GRIN2B: variants seen among roughly 807,000 people sequenced by gnomAD.
The protein encoded by GRIN2B is glutamate ionotropic receptor NMDA type subunit 2B.
Under a neutral mutation model 114.5 loss-of-function variants are expected in GRIN2B, and 5 were observed. That is an observed-to-expected ratio of 0.04 (90% CI 0.02 to 0.09). The LOEUF is 0.09. GRIN2B is among the 10% of genes least tolerant of loss of function. The pLI is 1.00. For synonymous variants in GRIN2B, 787 were observed against 745.1 expected (o/e 1.06, Z -0.92); for missense variants, 1,108 against 1,943.5 (o/e 0.57, Z 8.08).
intron 2 of GRIN2B, among the ~76,000 whole-genome samples, chr12:13,909,910 G>A (rs1160328212): frequency 6.6e-6 from 1 of 152,086 alleles, no homozygotes; most frequent in Non-Finnish European, 1.5e-5. Context: ...GGTCATCAGA[G>A]ATTATGGAAC....
intron 3 of GRIN2B, among the ~76,000 whole-genome samples, chr12:13,758,998 A>AGTTTTTTT (rs771891565): frequency 4.7e-5 from 4 of 85,624 alleles, no homozygotes; most frequent in Non-Finnish European, 6.5e-5. Context: ...ATCTAGTTCA[A>AGTTTTTTT]TTTTTTTTTT....
At chr12:13,760,583 T>C (rs184785032) in intron 3 of GRIN2B, among the ~76,000 whole-genome samples, 1 of 152,332 alleles carries the variant, frequency 6.6e-6, no homozygotes, top group East Asian at 1.9e-4. Context: ...TCTTTTCTTC[T>C]AAATTCAGTT....
At chr12:13,636,960 A>G (rs1337171909) in intron 5 of GRIN2B, among the ~76,000 whole-genome samples, 5 of 152,162 alleles carry the variant, frequency 3.3e-5, no homozygotes, top group Admixed American at 2.0e-4. Context: ...ATTGCCTAAA[A>G]TGAGGAACAT....
intron 5 of GRIN2B, among the ~76,000 whole-genome samples, chr12:13,622,955 C>T (rs1315382049): frequency 6.6e-6 from 1 of 152,170 alleles, no homozygotes; most frequent in Admixed American, 6.5e-5. Flanking sequence ...ACAGCACTAC[C>T]TCTCCCCCTC....
chr12:13,926,713 G>A (rs111732213), intron 2 of GRIN2B, among the ~76,000 whole-genome samples: 2,598 of 152,306 alleles, frequency 0.017, 31 homozygotes, highest in Non-Finnish European at 0.026. Context: ...CAGCACTTCG[G>A]GAGGCCGAGA....
At chr12:13,814,659 G>A (rs963065512) in intron 3 of GRIN2B, among the ~76,000 whole-genome samples, 1 of 152,154 alleles carries the variant, frequency 6.6e-6, no homozygotes, top group Non-Finnish European at 1.5e-5. Context: ...CTGTCCAACA[G>A]AACTTCCAGT....
intron 2 of GRIN2B, among the ~76,000 whole-genome samples, chr12:13,957,579 T>C (rs979620005): frequency 1.3e-5 from 2 of 151,930 alleles, no homozygotes; most frequent in Admixed American, 1.3e-4. Context: ...CCATGACCTG[T>C]CTCCTGTGGG....
chr12:13,629,932 G>A (rs1039015630), intron 5 of GRIN2B, among the ~76,000 whole-genome samples: 1 of 152,124 alleles, frequency 6.6e-6, no homozygotes, highest in African/African-American at 2.4e-5. Context: ...TGGACTAAGG[G>A]GTTAGGTATC....
chr12:13,701,687 T>G (rs755258055), intron 4 of GRIN2B, among the ~76,000 whole-genome samples: 2 of 152,164 alleles, frequency 1.3e-5, no homozygotes, highest in Non-Finnish European at 2.9e-5. Flanking sequence ...GTTTTGATGA[T>G]GAAGACTGGA....
At chr12:13,607,185 TATATAAAAAATATATATA>T in intron 10 of GRIN2B, among the ~76,000 whole-genome samples, 1 of 114,172 alleles carries the variant, frequency 8.8e-6, no homozygotes, top group Non-Finnish European at 1.7e-5. Flanking sequence ...ATATAATAAA[TATATAAAAAATATATATA>T]ATATATAAAA....
rs1464235776 is a variant in GRIN2B at position 13,559,090 on chromosome 12, T to C, written c.*3693A>G. ...GGTGTTGTTTCATACCCATCTGTGA[T>C]ATAGATTGGGCTTATAGCTGAATTC... On this transcript the variant is annotated 3_prime_UTR_variant, in exon 14 of 14. Coordinates refer to ENST00000609686, the MANE Select transcript of GRIN2B (RefSeq NM_000834.5). The C allele has an allele frequency of 6.6e-6, 1 of 152,234 alleles. No individual in the cohort carries two copies. The highest frequency in any genetic ancestry group is 1.9e-4 in the East Asian group (1 of 5,192). 9.4% of individuals were successfully genotyped at this position (152,234 alleles called of 1,614,324 possible). A position where few individuals can be genotyped will look rare whatever the true frequency, so the allele number is the denominator to read the frequency against.
intron 2 of GRIN2B, among the ~76,000 whole-genome samples, chr12:13,946,811 A>G (rs1378747842): frequency 1.3e-5 from 2 of 152,218 alleles, no homozygotes; most frequent in African/African-American, 2.4e-5. Context: ...ATAAAAATGT[A>G]TTATTAGGAC....
chr12:13,808,184 C>A (rs1235501190), intron 3 of GRIN2B, among the ~76,000 whole-genome samples: 1 of 151,994 alleles, frequency 6.6e-6, no homozygotes. Context: ...CAGTGTGCAT[C>A]AGCATTTTTA....
At chr12:13,643,433 G>A (rs1030729688) in intron 5 of GRIN2B, among the ~76,000 whole-genome samples, 3 of 152,138 alleles carry the variant, frequency 2.0e-5, no homozygotes, top group East Asian at 1.9e-4. Context: ...AAAATGCTAA[G>A]GATCATCTGA....
chr12:13,900,406 C>T (rs1024587387), intron 2 of GRIN2B, among the ~76,000 whole-genome samples: 5 of 151,494 alleles, frequency 3.3e-5, no homozygotes, highest in Admixed American at 1.3e-4. Flanking sequence ...ACCCAGGAAG[C>T]GGAGGTTGCA....
At chr12:13,936,874 A>G (rs948417308) in intron 2 of GRIN2B, among the ~76,000 whole-genome samples, 1 of 152,104 alleles carries the variant, frequency 6.6e-6, no homozygotes, top group South Asian at 2.1e-4. Flanking sequence ...TAAAAGTTCT[A>G]TAACTAGAAA....
At chr12:13,920,892 C>T (rs1866811310) in intron 2 of GRIN2B, among the ~76,000 whole-genome samples, 1 of 152,156 alleles carries the variant, frequency 6.6e-6, no homozygotes, top group Non-Finnish European at 1.5e-5. Flanking sequence ...CCCAAGGTGG[C>T]TTCTGTGAAT....
chr12:13,612,109 T>C (rs1476146315), intron 8 of GRIN2B, among the ~76,000 whole-genome samples: 1 of 152,238 alleles, frequency 6.6e-6, no homozygotes, highest in Non-Finnish European at 1.5e-5. Context: ...CTGCCATTAT[T>C]GGACCAATAT....
Position 13,753,991 on chromosome 12 carries a change from A to G in GRIN2B, c.412-76T>C, listed in dbSNP as rs1416949803. 1 of 865,490 alleles carries G rather than the reference A, an allele frequency of 1.2e-6. No individual in the cohort carries two copies. The highest frequency in any genetic ancestry group is 1.9e-6 in the Non-Finnish European group (1 of 512,824). 53.6% of individuals were successfully genotyped at this position (865,490 alleles called of 1,614,324 possible). A position where few individuals can be genotyped will look rare whatever the true frequency, so the allele number is the denominator to read the frequency against. On this transcript the variant is annotated intron_variant, in intron 3 of 13. Transcript: ENST00000609686. The surrounding 1 kb of genome is among the most constrained non-coding windows in gnomAD (Gnocchi z 6.2). The stretch of plus-strand genomic sequence containing the variant: ...AGATGGTAATGGAGATTTTGAACCA[A>G]GTGGGTACAAAGATTTGTGTTCATT...
Sources: allele counts gnomAD v4.1 joint callset (sites outside exome capture counted in the v4.1 genomes callset), GRCh38; gene constraint gnomAD v4.1.1; non-coding constraint Gnocchi (gnomAD v3.1); transcripts MANE v1.5; gene names NCBI Gene and HGNC (gene_info 2026-07-23, HGNC 2026-07-21).